Variants in GALNT13 observed in about 807,000 individuals in gnomAD.
The protein encoded by GALNT13 is UDP-GalNAc:polypeptide N-acetylgalactosaminyltransferase 13.
Under a neutral mutation model 64.2 loss-of-function variants are expected in GALNT13, and 28 were observed. The ratio of observed to expected loss-of-function variants is 0.44; its 90% CI spans 0.32 to 0.60. The LOEUF (loss-of-function observed/expected upper bound fraction) is 0.60, where lower values mean the gene tolerates loss of function less well. Among genes scored for constraint, GALNT13 ranks in the 20% least tolerant of loss-of-function variants. GALNT13 has a pLI of 0.05. For missense variants in GALNT13, 577 were observed against 669.8 expected (o/e 0.86, Z 1.53); for synonymous variants, 214 against 224.6 (o/e 0.95, Z 0.42).
intron 3 of GALNT13, among the ~76,000 whole-genome samples, chr2:153,970,145 T>C (rs905037236): frequency 3.9e-5 from 6 of 152,346 alleles, no homozygotes; most frequent in African/African-American, 1.4e-4. Flanking sequence ...TCTGTACTCA[T>C]GGTCTCTGAA....
intron 11 of GALNT13, among the ~76,000 whole-genome samples, chr2:154,409,934 T>C (rs1447478496): frequency 6.6e-6 from 1 of 151,918 alleles, no homozygotes; most frequent in Admixed American, 6.6e-5. Context: ...AAGAAGAAAA[T>C]GAACTCTGTT....
chr2:153,291,016 A>G, the GALNT13 span, among the ~76,000 whole-genome samples: 39 of 152,310 alleles, frequency 2.6e-4, no homozygotes, highest in East Asian at 7.1e-3. Context: ...TTGGTTTATT[A>G]GAGATTCTTT....
chr2:153,610,599 C>T, the GALNT13 span, among the ~76,000 whole-genome samples: 3 of 152,086 alleles, frequency 2.0e-5, no homozygotes. Flanking sequence ...CGCTTGAACC[C>T]AGGAGCTGGA....
chr2:154,010,786 G>A (rs886110592), intron 3 of GALNT13, among the ~76,000 whole-genome samples: 1 of 151,558 alleles, frequency 6.6e-6, no homozygotes, highest in African/African-American at 2.4e-5. Flanking sequence ...ATCTCTTCAG[G>A]GTTTCAGTTT....
the GALNT13 span, among the ~76,000 whole-genome samples, chr2:153,180,320 C>T: frequency 8.5e-5 from 13 of 152,134 alleles, no homozygotes; most frequent in East Asian, 1.4e-3. Flanking sequence ...TAATGTAGCA[C>T]GTCCCATTTA....
At chr2:153,814,532 T>A in the GALNT13 span, among the ~76,000 whole-genome samples, 1 of 152,266 alleles carries the variant, frequency 6.6e-6, no homozygotes, top group African/African-American at 2.4e-5. Flanking sequence ...CATCCCTGAT[T>A]TGAGGCGTGA....
the GALNT13 span, among the ~76,000 whole-genome samples, chr2:153,681,832 A>G: frequency 5.9e-5 from 9 of 151,832 alleles, no homozygotes; most frequent in African/African-American, 2.2e-4. Context: ...GTTTTGCTAC[A>G]CAAGAGAAAA....
chr2:153,259,355 G>A, the GALNT13 span, among the ~76,000 whole-genome samples: 12 of 151,304 alleles, frequency 7.9e-5, no homozygotes, highest in African/African-American at 2.9e-4. Context: ...CAGATCATTA[G>A]GTCTTGTATT....
the GALNT13 span, among the ~76,000 whole-genome samples, chr2:153,261,596 G>C: frequency 3.3e-5 from 5 of 152,210 alleles, no homozygotes; most frequent in African/African-American, 1.2e-4. Context: ...GCAAACCTGT[G>C]GCCACCACTA....
chr2:153,816,845 C>T, the GALNT13 span, among the ~76,000 whole-genome samples: 1 of 152,048 alleles, frequency 6.6e-6, no homozygotes, highest in South Asian at 2.1e-4. Context: ...ACATCTCAGG[C>T]CAGCACCAAT....
At chr2:153,069,500 C>T in the GALNT13 span, among the ~76,000 whole-genome samples, 1 of 152,152 alleles carries the variant, frequency 6.6e-6, no homozygotes, top group Admixed American at 6.6e-5. Context: ...CCTTTATCTC[C>T]TCTATTCATC....
intron 9 of GALNT13, among the ~76,000 whole-genome samples, chr2:154,341,279 G>A (rs1268464155): frequency 2.0e-5 from 3 of 152,066 alleles, no homozygotes; most frequent in Non-Finnish European, 2.9e-5. Flanking sequence ...ACTAGAGAGA[G>A]CCATAGTGAA....
chr2:153,829,274 T>C, the GALNT13 span, among the ~76,000 whole-genome samples: 3 of 152,074 alleles, frequency 2.0e-5, no homozygotes, highest in African/African-American at 7.2e-5. Context: ...TAGTCTTTTT[T>C]CACACTGTGG....
chr2:153,210,746 G>C, the GALNT13 span, among the ~76,000 whole-genome samples: 3 of 152,172 alleles, frequency 2.0e-5, no homozygotes, highest in Non-Finnish European at 4.4e-5. Context: ...TGCAAGTTTA[G>C]TTGGCAATTT....
the GALNT13 span, among the ~76,000 whole-genome samples, chr2:153,817,553 G>T: frequency 6.6e-6 from 1 of 151,924 alleles, no homozygotes; most frequent in African/African-American, 2.4e-5. Flanking sequence ...GTAATTTTCC[G>T]TCCACTGACC....
the GALNT13 span, among the ~76,000 whole-genome samples, chr2:153,536,079 A>C: frequency 6.6e-6 from 1 of 152,174 alleles, no homozygotes; most frequent in South Asian, 2.1e-4. Flanking sequence ...CCTTAGGAGA[A>C]ACTTTTTAAG....
chr2:153,583,558 A>G, the GALNT13 span, among the ~76,000 whole-genome samples: 1 of 152,152 alleles, frequency 6.6e-6, no homozygotes, highest in Non-Finnish European at 1.5e-5. Context: ...GGGTGAATGA[A>G]TGCCTTTTTG....
chr2:153,912,519 T>C (rs1689023828), intron 2 of GALNT13, among the ~76,000 whole-genome samples: 1 of 152,230 alleles, frequency 6.6e-6, no homozygotes, highest in South Asian at 2.1e-4. Flanking sequence ...GTGCTGGTTC[T>C]TTCTCATCTT....
At chr2:153,468,930 G>T in the GALNT13 span, among the ~76,000 whole-genome samples, 1 of 152,110 alleles carries the variant, frequency 6.6e-6, no homozygotes, top group South Asian at 2.1e-4. Flanking sequence ...GAAATTAGTG[G>T]TATGGAAAAA....
Sources: gnomAD v4.1 joint callset for allele counts (sites outside exome capture counted in the v4.1 genomes callset) on GRCh38, gnomAD v4.1.1 for gene constraint, MANE v1.5 for transcripts, NCBI Gene and HGNC (gene_info 2026-07-23, HGNC 2026-07-21) for gene names.